Variants in DRC2 observed in about 807,000 individuals in gnomAD.
The protein encoded by DRC2 is dynein regulatory complex subunit 2.
At chr12:48,912,451 A>AAAAAAAAAAAAAAAAAAAAAAAAAAAC in the DRC2 span, among the ~76,000 whole-genome samples, 1 of 149,594 alleles carries the variant, frequency 6.7e-6, no homozygotes, top group East Asian at 1.9e-4. Flanking sequence ...AAAAAAAAAA[A>AAAAAAAAAAAAAAAAAAAAAAAAAAAC]AAAAAAAAAT....
the DRC2 span, chr12:48,917,165 A>G: frequency 3.7e-6 from 6 of 1,601,916 alleles, no homozygotes; most frequent in Non-Finnish European, 5.1e-6. Flanking sequence ...AAAATGCTCA[A>G]GGAGGCTGGG....
chr12:48,918,316 C>A, the DRC2 span: 2 of 1,614,036 alleles, frequency 1.2e-6, no homozygotes, highest in Non-Finnish European at 1.7e-6. Flanking sequence ...ACCTGGAGAA[C>A]AGAGTAGAAG....
the DRC2 span, among the ~76,000 whole-genome samples, chr12:48,920,441 T>TTTAAAAAAAAAAAAA: frequency 6.5e-4 from 44 of 67,802 alleles, 4 homozygotes; most frequent in Non-Finnish European, 7.8e-4. Flanking sequence ...AACTCCATCT[T>TTTAAAAAAAAAAAAA]AAAAAAAAAA....
At chr12:48,907,183 C>T in the DRC2 span, among the ~76,000 whole-genome samples, 42 of 152,190 alleles carry the variant, frequency 2.8e-4, no homozygotes, top group Non-Finnish European at 5.0e-4. Context: ...CCACTGCACT[C>T]CAGCCTGGGT....
chr12:48,911,316 T>G, the DRC2 span, among the ~76,000 whole-genome samples: 2 of 151,976 alleles, frequency 1.3e-5, no homozygotes, highest in African/African-American at 4.8e-5. Flanking sequence ...TCCCAACACT[T>G]TGGGAGGCTG....
the DRC2 span, among the ~76,000 whole-genome samples, chr12:48,915,771 C>CG: frequency 6.8e-6 from 1 of 147,312 alleles, no homozygotes; most frequent in Admixed American, 6.8e-5. Context: ...GCTGGCCGGG[C>CG]GGGGGGCTGA....
the DRC2 span, chr12:48,921,058 A>C: frequency 1.2e-6 from 2 of 1,612,558 alleles, no homozygotes; most frequent in Admixed American, 1.7e-5. Flanking sequence ...ATAATCTAGA[A>C]GAGCTTACTG....
At chr12:48,921,379 A>G in the DRC2 span, 1 of 1,614,180 alleles carries the variant, frequency 6.2e-7, no homozygotes, top group Non-Finnish European at 8.5e-7. Flanking sequence ...TATCAAAGCA[A>G]CTTACTCCAG....
chr12:48,908,400 A>G, the DRC2 span, among the ~76,000 whole-genome samples: 1 of 151,770 alleles, frequency 6.6e-6, no homozygotes, highest in Admixed American at 6.6e-5. Context: ...TAAGTGTTGT[A>G]TAAGTCGTCT....
the DRC2 span, chr12:48,921,297 A>C: frequency 2.2e-5 from 35 of 1,614,214 alleles, no homozygotes; most frequent in Non-Finnish European, 3.0e-5. Flanking sequence ...GGAGATGCTG[A>C]AGCAGTACTT....
chr12:48,904,424 G>A, the DRC2 span: 87 of 1,614,102 alleles, frequency 5.4e-5, no homozygotes, highest in South Asian at 8.6e-4. Context: ...GGCAGAGGAG[G>A]AGATGGCCAA....
chr12:48,915,287 CT>C, the DRC2 span, among the ~76,000 whole-genome samples: 3 of 149,806 alleles, frequency 2.0e-5, no homozygotes, highest in Non-Finnish European at 4.4e-5. Flanking sequence ...TCCCTGGGTA[CT>C]TGAGATTAGG....
chr12:48,913,741 C>T, the DRC2 span, among the ~76,000 whole-genome samples: 1 of 152,070 alleles, frequency 6.6e-6, no homozygotes, highest in African/African-American at 2.4e-5. Context: ...ATGATCCACC[C>T]GCCTTGGCCT....
chr12:48,919,203 C>T, the DRC2 span, among the ~76,000 whole-genome samples: 7 of 150,394 alleles, frequency 4.7e-5, no homozygotes, highest in African/African-American at 1.7e-4. Context: ...GTGAGCCACC[C>T]TGGTGAGCCC....
chr12:48,910,694 T>C, the DRC2 span, among the ~76,000 whole-genome samples: 1 of 152,346 alleles, frequency 6.6e-6, no homozygotes, highest in East Asian at 1.9e-4. Flanking sequence ...TTTTTTCTTT[T>C]TTTACATAAA....
At chr12:48,920,969 T>A in the DRC2 span, 1 of 1,613,584 alleles carries the variant, frequency 6.2e-7, no homozygotes, top group Non-Finnish European at 8.5e-7. Flanking sequence ...ATGTAGGAAA[T>A]TTGAAACCGA....
At chr12:48,914,390 T>C in the DRC2 span, 298 of 1,579,242 alleles carry the variant, frequency 1.9e-4, 1 homozygote, top group African/African-American at 3.8e-3. Context: ...GGTAACTCTC[T>C]CTTTCTGGCC....
the DRC2 span, among the ~76,000 whole-genome samples, chr12:48,912,453 A>AAAAAAAAAAAAAAAAAAAAAAAAAAAC: frequency 6.7e-6 from 1 of 149,788 alleles, no homozygotes; most frequent in Non-Finnish European, 1.5e-5. Context: ...AAAAAAAAAA[A>AAAAAAAAAAAAAAAAAAAAAAAAAAAC]AAAAAAATTC....
At chr12:48,915,700 G>A in the DRC2 span, among the ~76,000 whole-genome samples, 84 of 151,002 alleles carry the variant, frequency 5.6e-4, no homozygotes, top group Non-Finnish European at 4.4e-4. Flanking sequence ...GGGCAGAGGG[G>A]CTCCTCACTT....
Sources: allele counts gnomAD v4.1 joint callset (sites outside exome capture counted in the v4.1 genomes callset), GRCh38; gene constraint gnomAD v4.1.1; transcripts MANE v1.5; gene names NCBI Gene and HGNC (gene_info 2026-07-23, HGNC 2026-07-21).